The following ENTPD6 variants were observed in gnomAD, a reference collection of about 807,000 sequenced individuals.
ENTPD6 encodes ectonucleoside triphosphate diphosphohydrolase 6, also known as CD39 antigen-like 2.
Under a neutral mutation model 61.5 loss-of-function variants are expected in ENTPD6, and 46 were observed. The ratio of observed to expected loss-of-function variants is 0.75; its 90% confidence interval spans 0.59 to 0.96. ENTPD6 has a LOEUF of 0.96. Among genes scored for constraint, ENTPD6 ranks in the 40% least tolerant of loss-of-function variants. The pLI is 0.00. For missense variants in ENTPD6, 612 were observed against 629.0 expected (o/e 0.97, Z 0.29); for synonymous variants, 252 against 255.5 (o/e 0.99, Z 0.13).
intron 1 of ENTPD6, chr20:25,196,222 G>C: frequency 8.7e-7 from 1 of 1,151,498 alleles, no homozygotes. Flanking sequence ...GAGCCCGGCG[G>C]GGAAGCTTCG....
intron 11 of ENTPD6, 39 bp from the exon 12 acceptor site, chr20:25,222,799 T>C (rs754188898): frequency 1.2e-6 from 2 of 1,607,280 alleles, no homozygotes; most frequent in Non-Finnish European, 1.7e-6. Context: ...GCCTGGGTGC[T>C]CGGAGCCCAC....
At position 25,208,452 on chromosome 20, in the gene ENTPD6, AT is replaced by A. The variant is rs950212151; in HGVS notation, c.376+1064del. On this transcript the variant is annotated intron_variant, in intron 3 of 14. Coordinates refer to ENST00000376652, the MANE Select transcript of ENTPD6 (RefSeq NM_001247.5). Reference sequence around the variant, plus strand: ...CAAGAGTGAAACTTGATCTCAAAAAATTTTTTTTTAAGTGGAACTTTTTAAA... The same window carrying A: ...CAAGAGTGAAACTTGATCTCAAAAAATTTTTTTTAAGTGGAACTTTTTAAA... Among the ~76,000 whole-genome samples, 729 of 151,476 alleles carry A rather than the reference AT, an allele frequency of 4.8e-3. 7 individuals carry two copies. The highest frequency in any genetic ancestry group is 0.016 in the African/African-American group (683 of 41,420).
chr20:25,224,018 G>T (rs1346703158), intron 12 of ENTPD6, 83 bp from the exon 13 acceptor site: 2 of 1,346,918 alleles, frequency 1.5e-6, no homozygotes, highest in African/African-American at 2.9e-5. Context: ...TCTTGGGCTG[G>T]CGTTCCCCGT....
chr20:25,224,079 C>A, intron 12 of ENTPD6, 22 bp from the exon 13 acceptor site: 1 of 1,608,606 alleles, frequency 6.2e-7, no homozygotes, highest in Non-Finnish European at 8.5e-7. Flanking sequence ...CTCCTGCAGA[C>A]TGGGTGTTGT....
chr20:25,199,622 C>T (rs993868693), intron 1 of ENTPD6, among the ~76,000 whole-genome samples: 1 of 152,214 alleles, frequency 6.6e-6, no homozygotes, highest in Non-Finnish European at 1.5e-5. Context: ...CTGACTGAAA[C>T]TCTTTACCCA....
chr20:25,220,240 G>C (rs768587600), intron 10 of ENTPD6, among the ~76,000 whole-genome samples: 17 of 152,240 alleles, frequency 1.1e-4, no homozygotes, highest in Non-Finnish European at 1.8e-4. Context: ...TCTCACAGCA[G>C]ACCACACAGG....
chr20:25,199,576 C>A (rs1253632605), intron 1 of ENTPD6, among the ~76,000 whole-genome samples: 1 of 152,204 alleles, frequency 6.6e-6, no homozygotes, highest in Non-Finnish European at 1.5e-5. Flanking sequence ...TTCACAACCA[C>A]CATCACCATC....
At chr20:25,207,589 G>C (rs1220841613) in intron 3 of ENTPD6, among the ~76,000 whole-genome samples, 192 bp downstream of exon 3, 4 of 152,200 alleles carry the variant, frequency 2.6e-5, no homozygotes, top group Non-Finnish European at 5.9e-5. Flanking sequence ...CTAGTGAGTG[G>C]TGACCATGCT....
Position 25,222,926 on chromosome 20 carries a change from C to A in ENTPD6, c.1134C>A (p.Asp378Glu), listed in dbSNP as rs979831755. ...GGACGGAGGAAGTGAAGCATGTGGACTTCTATGCTTTCTCCTACTATTACG... is the reference window on the plus strand; with the variant it reads ...GGACGGAGGAAGTGAAGCATGTGGAATTCTATGCTTTCTCCTACTATTACG... ...VHRTEEVKHV[D>E]FYAFSYYYDL... The change falls in exon 12 of 15, where the codon GAC becomes GAA. Residue 378 changes from aspartate to glutamate, a missense_variant. Asp to Glu is a conservative substitution (Grantham distance 45). Coordinates refer to ENST00000376652, the MANE Select transcript of ENTPD6 (RefSeq NM_001247.5). The A allele has an allele frequency of 6.2e-7, 1 of 1,612,370 alleles. No homozygotes were observed. The highest frequency in any genetic ancestry group is 2.2e-5 in the East Asian group (1 of 44,764).
chr20:25,199,127 G>A (rs1235664969), intron 1 of ENTPD6, among the ~76,000 whole-genome samples: 1 of 152,188 alleles, frequency 6.6e-6, no homozygotes, highest in East Asian at 1.9e-4. Context: ...GGGTGCTGGA[G>A]GTTCTGGGAT....
intron 9 of ENTPD6, among the ~76,000 whole-genome samples, chr20:25,217,842 T>C (rs1217791557): frequency 2.0e-5 from 3 of 147,684 alleles, no homozygotes; most frequent in Admixed American, 6.8e-5. Context: ...GTCCTTCTCC[T>C]TCATCCTTTA....
chr20:25,223,181 C>T (rs905547206), intron 12 of ENTPD6, among the ~76,000 whole-genome samples: 8 of 152,170 alleles, frequency 5.3e-5, no homozygotes, highest in African/African-American at 1.9e-4. Context: ...AGTAAAACCT[C>T]GTGGCTGGTG....
intron 4 of ENTPD6, 107 bp downstream of exon 4, chr20:25,210,032 C>A: frequency 2.0e-6 from 2 of 1,020,126 alleles, no homozygotes; most frequent in Non-Finnish European, 3.1e-6. Context: ...GGGGCTTTGA[C>A]AGTGCTGCCT....
At chr20:25,202,856 CT>C (rs2122564305) in intron 1 of ENTPD6, among the ~76,000 whole-genome samples, 1 of 152,334 alleles carries the variant, frequency 6.6e-6, no homozygotes, top group African/African-American at 2.4e-5. Flanking sequence ...CTCCATTTGC[CT>C]TTGCTGGAAA....
intron 1 of ENTPD6, among the ~76,000 whole-genome samples, chr20:25,201,071 A>C (rs1417145988): frequency 6.6e-6 from 1 of 152,126 alleles, no homozygotes; most frequent in Admixed American, 6.5e-5. Flanking sequence ...TTGACTCTTC[A>C]GTTGTTTAAG....
At chr20:25,219,102 G>A (rs1395784524) in intron 10 of ENTPD6, among the ~76,000 whole-genome samples, 1 of 152,216 alleles carries the variant, frequency 6.6e-6, no homozygotes, top group African/African-American at 2.4e-5. Context: ...GTATGGTCTC[G>A]AAATCCTACC....
chr20:25,216,791 G>T, intron 8 of ENTPD6, 55 bp downstream of exon 8: 1 of 1,424,914 alleles, frequency 7.0e-7, no homozygotes, highest in Non-Finnish European at 9.6e-7. Flanking sequence ...ACACCGCCAT[G>T]GGGGTGCAGG....
At position 25,225,997 on chromosome 20, in the gene ENTPD6, G is replaced by T; in HGVS notation, c.*400G>T. On this transcript the variant is annotated 3_prime_UTR_variant, in exon 15 of 15. Transcript: ENST00000376652. ...TCCCAGCCTGTCAGTTTCCTCCCCAGGGCAGAGCTCCCCTTCCTGCAAGAG... is the reference window on the plus strand; with the variant it reads ...TCCCAGCCTGTCAGTTTCCTCCCCATGGCAGAGCTCCCCTTCCTGCAAGAG... The T allele has an allele frequency of 6.2e-6, 1 of 161,648 alleles. No individual in the cohort carries two copies. The highest frequency in any genetic ancestry group is 1.3e-5 in the Non-Finnish European group (1 of 74,422). The allele number at this position is 161,648 out of a possible 1,614,324, so 10.0% of individuals were successfully genotyped here.
chr20:25,222,979 G>A lies in ENTPD6; in HGVS notation c.1186+1G>A. On this transcript the variant is annotated splice_donor_variant, in intron 12 of 14. Transcript: ENST00000376652. LOFTEE classifies it high-confidence loss of function. ...CTTGCAGCTGGTGTGGGCCTCATAGGTAAGGGGGCCCGGATGGGCTGAGCA... is the reference window on the plus strand; with the variant it reads ...CTTGCAGCTGGTGTGGGCCTCATAGATAAGGGGGCCCGGATGGGCTGAGCA... 2.0e-6 allele frequency: 3 copies of A among 1,470,266 alleles called. No individual in the cohort carries two copies. Among genetic ancestry groups the A allele is most frequent in the African/African-American group, 1.4e-5 (1 of 70,762 alleles). 91.1% of individuals were successfully genotyped at this position (1,470,266 alleles called of 1,614,324 possible).
Sources: allele counts gnomAD v4.1 joint callset (sites outside exome capture counted in the v4.1 genomes callset), GRCh38; gene constraint gnomAD v4.1.1; transcripts MANE v1.5; gene names NCBI Gene and HGNC (gene_info 2026-07-23, HGNC 2026-07-21).